DAB1: variants seen among roughly 807,000 people sequenced by gnomAD.
DAB1 encodes the protein disabled homolog 1.
In DAB1, 15 loss-of-function variants were observed where a neutral mutation model predicts 64.6. That is an observed-to-expected ratio of 0.23 (90% CI 0.16 to 0.36). The LOEUF is 0.36. Among genes scored for constraint, DAB1 ranks in the 10% least tolerant of loss-of-function variants. DAB1 has a pLI of 1.00. For missense variants in DAB1, 596 were observed against 706.7 expected, an observed-to-expected ratio of 0.84 and a Z score of 1.78; for synonymous variants, 235 against 251.9, an observed-to-expected ratio of 0.93 and a Z score of 0.64.
At chr1:57,767,206 A>G (rs1649351340) in intron 6 of DAB1, among the ~76,000 whole-genome samples, 1 of 152,104 alleles carries the variant, frequency 6.6e-6, no homozygotes, top group African/African-American at 2.4e-5. Flanking sequence ...ACCTGGTTGG[A>G]TCCTCTGGTA....
At chr1:58,095,630 G>A (rs1407502217) in intron 5 of DAB1, among the ~76,000 whole-genome samples, 8 of 152,238 alleles carry the variant, frequency 5.3e-5, no homozygotes, top group African/African-American at 1.2e-4. Context: ...AGCACATGGC[G>A]AGCACTTACC....
chr1:57,249,495 G>C (rs117814189), intron 2 of DAB1, among the ~76,000 whole-genome samples: 1 of 152,002 alleles, frequency 6.6e-6, no homozygotes, highest in South Asian at 2.1e-4. Flanking sequence ...CCTTAGTCCC[G>C]CAAGTATCTG....
At chr1:57,370,795 G>A (rs1000679253) in intron 1 of DAB1, among the ~76,000 whole-genome samples, 2 of 152,178 alleles carry the variant, frequency 1.3e-5, no homozygotes, top group African/African-American at 4.8e-5. Flanking sequence ...GAAATCCACT[G>A]TACCTTGTAA....
At chr1:57,082,930 A>G (rs1334668530) in intron 4 of DAB1, among the ~76,000 whole-genome samples, 2 of 152,182 alleles carry the variant, frequency 1.3e-5, no homozygotes, top group African/African-American at 2.4e-5. Flanking sequence ...CTGAATAAGT[A>G]TGGAAACAAT....
At chr1:58,269,170 C>T (rs1273415843) in intron 4 of DAB1, among the ~76,000 whole-genome samples, 6 of 135,700 alleles carry the variant, frequency 4.4e-5, no homozygotes, top group Non-Finnish European at 6.4e-5. Context: ...CCCCCTCCCC[C>T]GACCCCACCA....
intron 2 of DAB1, among the ~76,000 whole-genome samples, chr1:57,203,490 C>T (rs1569876209): frequency 2.0e-5 from 3 of 152,278 alleles, no homozygotes; most frequent in Admixed American, 2.0e-4. Context: ...GACTAGCTGC[C>T]ATGACACTGC....
chr1:57,519,874 C>T (rs142221593), intron 7 of DAB1, among the ~76,000 whole-genome samples: 40 of 152,222 alleles, frequency 2.6e-4, no homozygotes, highest in African/African-American at 7.2e-4. Context: ...GTAATATATG[C>T]TCATTATAGA....
At chr1:57,485,894 C>A (rs923781465) in intron 7 of DAB1, among the ~76,000 whole-genome samples, 1 of 152,154 alleles carries the variant, frequency 6.6e-6, no homozygotes, top group African/African-American at 2.4e-5. Context: ...CAAGATGATT[C>A]ATTGCTGCCA....
At chr1:58,266,164 G>T (rs904969196) in intron 4 of DAB1, among the ~76,000 whole-genome samples, 1 of 152,118 alleles carries the variant, frequency 6.6e-6, no homozygotes, top group African/African-American at 2.4e-5. Flanking sequence ...AGAATTATGA[G>T]TCAATATTTG....
chr1:57,058,992 G>C (rs910617938), intron 9 of DAB1, among the ~76,000 whole-genome samples: 12 of 152,188 alleles, frequency 7.9e-5, no homozygotes, highest in Non-Finnish European at 1.3e-4. Context: ...AAGTATTAGA[G>C]GTAGCCCAGA....
At chr1:57,488,253 A>C (rs957630979) in intron 7 of DAB1, among the ~76,000 whole-genome samples, 7 of 152,012 alleles carry the variant, frequency 4.6e-5, no homozygotes, top group Non-Finnish European at 2.9e-5. Context: ...AATACAAAAA[A>C]TTAGCCGGCA....
At chr1:57,005,289 T>G (rs1007290194) in intron 14 of DAB1, among the ~76,000 whole-genome samples, 1 of 152,228 alleles carries the variant, frequency 6.6e-6, no homozygotes, top group Admixed American at 6.5e-5. Context: ...TTTTTGGCCT[T>G]GTTATATAAC....
chr1:57,157,603 C>T (rs1298225957), intron 2 of DAB1, among the ~76,000 whole-genome samples: 1 of 151,654 alleles, frequency 6.6e-6, no homozygotes, highest in African/African-American at 2.4e-5. Context: ...AGAGAGAAAG[C>T]CCTGGCCTCC....
chr1:57,113,701 C>T (rs985041728), intron 4 of DAB1, among the ~76,000 whole-genome samples: 5 of 152,030 alleles, frequency 3.3e-5, no homozygotes, highest in Non-Finnish European at 7.4e-5. Flanking sequence ...AATCAAAAAC[C>T]GGTGGTATGC....
chr1:57,480,433 G>C (rs527256819), intron 7 of DAB1, among the ~76,000 whole-genome samples: 1 of 152,054 alleles, frequency 6.6e-6, no homozygotes, highest in East Asian at 1.9e-4. Context: ...TCAATTAACT[G>C]TCCAAAGATT....
intron 6 of DAB1, among the ~76,000 whole-genome samples, chr1:57,667,824 A>G (rs373613368): frequency 6.6e-6 from 1 of 152,072 alleles, no homozygotes; most frequent in East Asian, 1.9e-4. Flanking sequence ...AGAATTGAAC[A>G]ATGAGAACAC....
intron 6 of DAB1, among the ~76,000 whole-genome samples, chr1:57,716,197 C>T (rs181087290): frequency 3.9e-5 from 6 of 152,124 alleles, no homozygotes; most frequent in Admixed American, 1.3e-4. Flanking sequence ...TGTAAGCCAC[C>T]GCGCCCAGCC....
At chr1:57,807,739 T>C (rs1337566063) in intron 6 of DAB1, among the ~76,000 whole-genome samples, 1 of 152,092 alleles carries the variant, frequency 6.6e-6, no homozygotes, top group African/African-American at 2.4e-5. Context: ...ACCTTGCCTT[T>C]AACGTCCTTC....
intron 2 of DAB1, among the ~76,000 whole-genome samples, chr1:58,520,243 T>A (rs1439285225): frequency 2.0e-5 from 3 of 151,866 alleles, no homozygotes; most frequent in East Asian, 3.9e-4. Flanking sequence ...CCCTGGAACC[T>A]AAACGTTGAA....
Sources: gnomAD v4.1 joint callset for allele counts (sites outside exome capture counted in the v4.1 genomes callset) on GRCh38, gnomAD v4.1.1 for gene constraint, MANE v1.5 for transcripts, NCBI Gene and HGNC (gene_info 2026-07-23, HGNC 2026-07-21) for gene names.